Variants in SYNPO2 observed in about 807,000 individuals in gnomAD.
SYNPO2 encodes the protein synaptopodin-2.
In SYNPO2, 56 loss-of-function variants were observed where a neutral mutation model predicts 85.0. The ratio of observed to expected loss-of-function variants is 0.66; its 90% CI spans 0.53 to 0.82. The LOEUF (loss-of-function observed/expected upper bound fraction) is 0.82. SYNPO2 is among the 40% of genes least tolerant of loss of function. SYNPO2 has a pLI of 0.00. For missense variants in SYNPO2, 1,575 were observed against 1,534.2 expected (o/e 1.03, Z -0.44); for synonymous variants, 602 against 591.1 (o/e 1.02, Z -0.27).
intron 1 of SYNPO2, among the ~76,000 whole-genome samples, chr4:118,857,233 G>A (rs984612933): frequency 5.9e-5 from 9 of 152,078 alleles, no homozygotes; most frequent in South Asian, 2.1e-4. Context: ...TTGAAGGCAC[G>A]GAATAATTTA....
At chr4:119,057,334 T>C (rs932906600) in intron 4 of SYNPO2, 67 bp from the exon 5 acceptor site, 8 of 1,442,176 alleles carry the variant, frequency 5.5e-6, no homozygotes, top group Middle Eastern at 2.4e-4. Flanking sequence ...GTGCTAGGAA[T>C]ACTTTGGAGT....
chr4:118,856,459 T>A lies in SYNPO2; in HGVS notation c.12+5519T>A, dbSNP rs1239014005. 3.9e-5 allele frequency among the ~76,000 whole-genome samples: 6 copies of A among 152,194 alleles called. No homozygotes were observed. In the South Asian group the frequency reaches 1.0e-3, roughly 26 times the overall value. On this transcript the variant is annotated intron_variant, in intron 1 of 4. Coordinates refer to the SYNPO2 transcript ENST00000610556. The stretch of plus-strand genomic sequence containing the variant: ...CTTCGCACTAAGCCATGGTTTATAG[T>A]GGAATGCACATAAATTACTCCAGAT...
chr4:119,038,479 GT>G, intron 4 of SYNPO2: 8 of 985,342 alleles, frequency 8.1e-6, no homozygotes, highest in Non-Finnish European at 9.6e-6. Context: ...GGGGAAGAAT[GT>G]GATTTTTAAA....
At chr4:118,955,599 G>A (rs1313396913) in intron 1 of SYNPO2, among the ~76,000 whole-genome samples, 1 of 152,184 alleles carries the variant, frequency 6.6e-6, no homozygotes, top group Non-Finnish European at 1.5e-5. Context: ...TTCTCAGCAG[G>A]AAGAAAGGTT....
intron 4 of SYNPO2, chr4:119,037,497 G>T: frequency 2.0e-6 from 2 of 1,013,140 alleles, no homozygotes; most frequent in Non-Finnish European, 2.4e-6. Flanking sequence ...GTAGAAGTCA[G>T]AGAATCTTTG....
intron 1 of SYNPO2, among the ~76,000 whole-genome samples, chr4:118,876,725 CTTTCT>C (rs1166909202): frequency 8.3e-6 from 1 of 119,958 alleles, no homozygotes; most frequent in East Asian, 2.4e-4. Flanking sequence ...TTCTTTCTTT[CTTTCT>C]TTCTTTCTGC....
chr4:118,944,065 C>T (rs1245421205), intron 1 of SYNPO2, among the ~76,000 whole-genome samples: 1 of 152,048 alleles, frequency 6.6e-6, no homozygotes, highest in Non-Finnish European at 1.5e-5. Context: ...TGATACTACT[C>T]TTCAAAATCT....
At chr4:118,900,484 A>G (rs905714162) in intron 1 of SYNPO2, among the ~76,000 whole-genome samples, 6 of 152,114 alleles carry the variant, frequency 3.9e-5, no homozygotes, top group African/African-American at 1.2e-4. Context: ...GTCACTCCCT[A>G]TATCATTGCT....
chr4:119,032,383 A>G (rs1193558317), intron 4 of SYNPO2: 1 of 1,187,460 alleles, frequency 8.4e-7, no homozygotes, highest in Non-Finnish European at 1.0e-6. Context: ...AACATCAGGA[A>G]TCAGCCTTTA....
At chr4:118,961,286 C>T (rs1735083752) in intron 1 of SYNPO2, among the ~76,000 whole-genome samples, 1 of 152,058 alleles carries the variant, frequency 6.6e-6, no homozygotes, top group South Asian at 2.1e-4. Context: ...GATGAGAAAC[C>T]CCAGCCTACA....
At position 119,031,981 on chromosome 4, in the gene SYNPO2, C is replaced by T; in HGVS notation, c.3206C>T (p.Ala1069Val). The change falls in exon 4 of 5, where the codon GCA becomes GTA. Residue 1069 changes from alanine to valine, a missense_variant. By Grantham distance (64) the Ala-to-Val change is moderately conservative. Transcript: ENST00000307142. ...QESASSSYFV[A>V]PRPKFSAKKS... Reference sequence around the variant, plus strand: ...TCAGCCTCATCATCTTATTTTGTGGCACCAAGGCCAAAGTTCTCAGCCAAG... The same window carrying T: ...TCAGCCTCATCATCTTATTTTGTGGTACCAAGGCCAAAGTTCTCAGCCAAG... 2 of 1,614,216 alleles carry T rather than the reference C, an allele frequency of 1.2e-6. No homozygotes were observed. Among genetic ancestry groups the T allele is most frequent in the South Asian group, 2.2e-5 (2 of 91,088 alleles).
chr4:118,914,937 G>A (rs1251293029), intron 1 of SYNPO2, among the ~76,000 whole-genome samples: 1 of 150,182 alleles, frequency 6.7e-6, no homozygotes, highest in East Asian at 1.9e-4. Flanking sequence ...ATATGTTTAT[G>A]TTTTATATAC....
At chr4:119,034,701 GGAA>G (rs1738429755) in intron 4 of SYNPO2, 1 of 985,412 alleles carries the variant, frequency 1.0e-6, no homozygotes, top group African/African-American at 1.7e-5. Flanking sequence ...GGAAGTGGGA[GGAA>G]GAAGGACTAA....
chr4:118,927,324 G>T (rs901142287), intron 1 of SYNPO2, among the ~76,000 whole-genome samples: 1 of 152,032 alleles, frequency 6.6e-6, no homozygotes, highest in Non-Finnish European at 1.5e-5. Context: ...TGTAGCTGCT[G>T]AATTCTCTTT....
chr4:118,983,321 C>T (rs543962517), intron 1 of SYNPO2, among the ~76,000 whole-genome samples: 42 of 152,258 alleles, frequency 2.8e-4, no homozygotes, highest in Middle Eastern at 3.4e-3. Context: ...CATCTATTCT[C>T]TCTGCCTCCA....
chr4:119,017,888 T>G (rs996683940), intron 1 of SYNPO2, among the ~76,000 whole-genome samples: 2 of 152,152 alleles, frequency 1.3e-5, no homozygotes, highest in African/African-American at 4.8e-5. Context: ...CAAAATAATT[T>G]ATGTACTAGG....
chr4:119,025,985 T>C (rs1013987651), intron 2 of SYNPO2, among the ~76,000 whole-genome samples: 2 of 152,028 alleles, frequency 1.3e-5, no homozygotes, highest in African/African-American at 4.8e-5. Flanking sequence ...CAGATCCAAA[T>C]AGAAGAAAGG....
At chr4:119,021,355 A>G (rs1737713574) in intron 1 of SYNPO2, among the ~76,000 whole-genome samples, 1 of 152,232 alleles carries the variant, frequency 6.6e-6, no homozygotes, top group African/African-American at 2.4e-5. Flanking sequence ...AGATAAATTG[A>G]AATACATTTT....
At chr4:118,975,904 G>C (rs573190732) in intron 1 of SYNPO2, among the ~76,000 whole-genome samples, 8 of 152,306 alleles carry the variant, frequency 5.3e-5, no homozygotes, top group Non-Finnish European at 8.8e-5. Flanking sequence ...CATAACTTTT[G>C]TGAGCCTTAC....
Sources: gnomAD v4.1 joint callset for allele counts (sites outside exome capture counted in the v4.1 genomes callset) on GRCh38, gnomAD v4.1.1 for gene constraint, MANE v1.5 for transcripts, NCBI Gene and HGNC (gene_info 2026-07-23, HGNC 2026-07-21) for gene names.